ADGRE1: variants seen among roughly 807,000 people sequenced by gnomAD.
The protein encoded by ADGRE1 is EGF-like module receptor 1.
In ADGRE1, 82 loss-of-function variants were observed where a neutral mutation model predicts 102.7. That is an observed-to-expected ratio of 0.80 (90% CI 0.67 to 0.96). The LOEUF is 0.96. Among genes scored for constraint, ADGRE1 ranks in the 40% least tolerant of loss-of-function variants. The pLI is 0.00. For missense variants in ADGRE1, 1,032 were observed against 1,085.3 expected (o/e 0.95, Z 0.69); for synonymous variants, 398 against 399.6 (o/e 1.00, Z 0.05).
intron 14 of ADGRE1, 92 bp downstream of exon 14, chr19:6,921,975 TG>T (rs1974687284): frequency 7.0e-7 from 1 of 1,436,888 alleles, no homozygotes; most frequent in East Asian, 2.3e-5. Flanking sequence ...GTGTCTCCCA[TG>T]GGGTTGGGTG....
chr19:6,917,557 G>A (rs796578605), intron 12 of ADGRE1, among the ~76,000 whole-genome samples: 6 of 152,118 alleles, frequency 3.9e-5, no homozygotes, highest in African/African-American at 1.4e-4. Context: ...TGACCAATAT[G>A]GTGAAATCTC....
chr19:6,928,046 T>C, intron 16 of ADGRE1, 99 bp from the exon 17 acceptor site: 1 of 1,417,212 alleles, frequency 7.1e-7, no homozygotes, highest in Non-Finnish European at 9.5e-7. Flanking sequence ...GAGTCTCACC[T>C]CCCAGTGTTC....
chr19:6,893,797 TTACC>T (rs1364915583), intron 2 of ADGRE1, among the ~76,000 whole-genome samples: 1 of 152,200 alleles, frequency 6.6e-6, no homozygotes, highest in Non-Finnish European at 1.5e-5. Context: ...CAAAAAAAAC[TTACC>T]TATCATTCTG....
chr19:6,915,002 G>A (rs1457453520), intron 11 of ADGRE1, among the ~76,000 whole-genome samples: 4 of 62,408 alleles, frequency 6.4e-5, no homozygotes, highest in Admixed American at 4.1e-4. Context: ...TAAATGTAGG[G>A]AGTTAAGGTT....
rs373858004 is a variant in ADGRE1 at position 6,924,821 on chromosome 19, C to T, written c.1935C>T (p.Leu645=). 32 of 1,614,142 alleles carry T rather than the reference C, an allele frequency of 2.0e-5. 1 individual carries two copies. The highest frequency in any genetic ancestry group is 2.2e-5 in the Non-Finnish European group (26 of 1,180,044). The stretch of plus-strand genomic sequence containing the variant: ...TCCACCTGCACCTCTGCGTGTGTCT[C>T]CTCTTGGCGAAGACTCTCTTCCTCG... ...TYLHLHLCVC[L]LLAKTLFLAG... The change falls in exon 15 of 21, where the codon CTC becomes CTT. Residue 645 remains leucine, a synonymous_variant. Coordinates refer to ENST00000312053, the MANE Select transcript of ADGRE1 (RefSeq NM_001974.5).
At position 6,937,658 on chromosome 19, in the gene ADGRE1, T is replaced by C. The variant is rs1195021152; in HGVS notation, c.2655+10T>C. The C allele has an allele frequency of 2.5e-6, 4 of 1,613,388 alleles. No individual in the cohort carries two copies. Among genetic ancestry groups the C allele is most frequent in the Non-Finnish European group, 3.4e-6 (4 of 1,179,476 alleles). Reference sequence around the variant, plus strand: ...ATCCGCTTCCAAGACGGTGAGAGACTGCATGCTCCCTGCAGGTGCTGGTCG... The same window carrying C: ...ATCCGCTTCCAAGACGGTGAGAGACCGCATGCTCCCTGCAGGTGCTGGTCG... On this transcript the variant is annotated intron_variant, in intron 20 of 20. Coordinates refer to ENST00000312053, the MANE Select transcript of ADGRE1 (RefSeq NM_001974.5).
In ADGRE1 at chr19:6,897,238, G is replaced by A. The variant is rs759531316; in HGVS notation, c.328G>A (p.Asp110Asn). The A allele has an allele frequency of 6.2e-7, 1 of 1,613,866 alleles. No homozygotes were observed. Among genetic ancestry groups the A allele is most frequent in the South Asian group, 1.1e-5 (1 of 91,070 alleles). The change falls in exon 4 of 21, where the codon GAT (aspartate) becomes AAT (asparagine). Residue 110 changes from aspartate to asparagine, a missense_variant. Asp to Asn is a conservative substitution (Grantham distance 23). Transcript: ENST00000312053. Reference sequence around the variant, plus strand: ...AGGGAGGTACAAGTGCAGCTGTTTAGATGGTTTCTCTTCTCCCACTGGAAA... The same window carrying A: ...AGGGAGGTACAAGTGCAGCTGTTTAAATGGTTTCTCTTCTCCCACTGGAAA... ...LSGRYKCSCLDGFSSPTGNDW... is the reference protein window; with the variant it reads ...LSGRYKCSCLNGFSSPTGNDW...
At chr19:6,888,631 T>C (rs571666997) in intron 1 of ADGRE1, among the ~76,000 whole-genome samples, 7 of 152,354 alleles carry the variant, frequency 4.6e-5, no homozygotes, top group African/African-American at 1.7e-4. Context: ...CACGCAATCA[T>C]TAATTGGTGA....
chr19:6,890,609 T>C, intron 2 of ADGRE1, 66 bp downstream of exon 2: 5 of 1,546,290 alleles, frequency 3.2e-6, no homozygotes, highest in Non-Finnish European at 4.4e-6. Context: ...CGGGGAAACA[T>C]CCCAGGAAGC....
chr19:6,937,454 C>G (rs756545662), intron 19 of ADGRE1, 43 bp downstream of exon 19: 16 of 1,583,500 alleles, frequency 1.0e-5, no homozygotes, highest in South Asian at 4.5e-5. Flanking sequence ...TCCCATCCCC[C>G]TCTCCCCCCT....
Position 6,935,064 on chromosome 19 carries a change from G to A in ADGRE1, c.2367G>A (p.Thr789=), listed in dbSNP as rs1380389290. ...RLSSVNAEVS[T]LKDTRLLTFK... is the part of the protein sequence containing the mutation. The stretch of plus-strand genomic sequence containing the variant: ...CCAGTGTTAATGCCGAAGTCTCAAC[G>A]CTAAAAGACACCAGGTAAAGCCCTC... Residue 789 remains threonine (T), a synonymous_variant, in exon 18 of 21, where the codon ACG becomes ACA. Transcript: ENST00000312053. 5.6e-6 allele frequency: 9 copies of A among 1,598,046 alleles called. No homozygotes were observed. Among genetic ancestry groups the A allele is most frequent in the African/African-American group, 2.7e-5 (2 of 73,552 alleles).
chr19:6,934,655 T>C (rs997680195), intron 17 of ADGRE1, among the ~76,000 whole-genome samples: 8 of 150,886 alleles, frequency 5.3e-5, no homozygotes, highest in Admixed American at 4.6e-4. Flanking sequence ...TGGAGTGCAG[T>C]AGCACAATCT....
chr19:6,910,740 A>G (rs1024764646), intron 10 of ADGRE1, among the ~76,000 whole-genome samples: 1 of 151,406 alleles, frequency 6.6e-6, no homozygotes, highest in East Asian at 1.9e-4. Flanking sequence ...CGTGGGTAAT[A>G]TTTTGTATTT....
rs1019766540 is a variant in ADGRE1, at chr19:6,896,670, A to G, written c.238+129A>G. The G allele has an allele frequency of 6.5e-6, 7 of 1,080,240 alleles. No individual in the cohort carries two copies. The African/African-American group carries it at 1.1e-4, about 17-fold the overall frequency. The allele number at this position is 1,080,240 out of a possible 1,614,324, so 66.9% of individuals were successfully genotyped here. A position where few individuals can be genotyped will look rare whatever the true frequency, so the allele number is the denominator to read the frequency against. On this transcript the variant is annotated intron_variant, in intron 3 of 20. Transcript: ENST00000312053. ...AAATCTGGTTTAACTATATATTTTA[A>G]GTGGAGTATTAGGTCATTTCTGTTC...
chr19:6,919,334 G>GT lies in ADGRE1; in HGVS notation c.1421-202dup, dbSNP rs949612412. Among the ~76,000 whole-genome samples, 175 of 140,708 alleles carry GT rather than the reference G, an allele frequency of 1.2e-3. 1 individual carries two copies. The highest frequency in any genetic ancestry group is 1.5e-3 in the Admixed American group (21 of 13,838). The allele number at this position is 140,708 out of a possible 152,430, so 92.3% of individuals were successfully genotyped here. ...CGTGAGCCACCATGCCCGGCCAGAG[G>GT]TTTTTTTTTTTTAATGGTTCTAGAA... On this transcript the variant is annotated intron_variant, in intron 12 of 20. Transcript: ENST00000312053.
intron 13 of ADGRE1, among the ~76,000 whole-genome samples, chr19:6,920,826 T>TAAA (rs1974638089): frequency 6.6e-6 from 1 of 152,186 alleles, no homozygotes; most frequent in Admixed American, 6.5e-5. Context: ...GATACATTCT[T>TAAA]AAAGCATGTT....
At chr19:6,913,861 C>T in intron 11 of ADGRE1, 31 bp downstream of exon 11, 2 of 1,511,352 alleles carry the variant, frequency 1.3e-6, no homozygotes, top group African/African-American at 1.4e-5. Context: ...CAAGGTTACA[C>T]CTAGGGGATG....
At chr19:6,935,223 T>G in intron 18 of ADGRE1, 145 bp downstream of exon 18, 1 of 454,840 alleles carries the variant, frequency 2.2e-6, no homozygotes, top group Non-Finnish European at 3.7e-6. Context: ...CATCTAGATC[T>G]GGAGGCTTAA....
rs142294774 is a variant in ADGRE1 at position 6,908,758 on chromosome 19, G to A, written c.1108G>A (p.Val370Ile). 57 of 1,609,170 alleles carry A rather than the reference G, an allele frequency of 3.5e-5. No individual in the cohort carries two copies. The Admixed American group carries it at 4.1e-4, about 12-fold the overall frequency. Residue 370 changes from valine (V) to isoleucine (I), a missense_variant, in exon 10 of 21, where the codon GTA (valine) becomes ATA (isoleucine). Physicochemically the swap from Val to Ile is conservative, Grantham distance 29. Transcript: ENST00000312053. ...CAAAGTGTGTGAAAATAAAACGACC[G>A]TAGTTTCTCTGAAGGTAACGATTGG... ...LDKVCENKTT[V>I]VSLKNTTESF... is the part of the protein sequence containing the mutation.
Sources: gnomAD v4.1 joint callset for allele counts (sites outside exome capture counted in the v4.1 genomes callset) on GRCh38, gnomAD v4.1.1 for gene constraint, MANE v1.5 for transcripts, NCBI Gene and HGNC (gene_info 2026-07-23, HGNC 2026-07-21) for gene names.